The following GNA12 variants were observed in gnomAD, a reference collection of about 807,000 sequenced individuals.
The protein encoded by GNA12 is G protein subunit alpha 12.
Under a neutral mutation model 26.0 loss-of-function variants are expected in GNA12, and 9 were observed. The observed-to-expected ratio is 0.35, with a 90% CI of 0.21 to 0.60. GNA12 has a LOEUF of 0.60. GNA12 is among the 20% of genes least tolerant of loss of function. The probability of loss-of-function intolerance (pLI) is 0.78; values close to 1 mark genes in which losing one functional copy is unlikely to be tolerated. For missense variants in GNA12, 405 were observed against 525.8 expected, an observed-to-expected ratio of 0.77 and a Z score of 2.25; for synonymous variants, 264 against 219.6, an observed-to-expected ratio of 1.20 and a Z score of -1.79.
chr7:2,755,839 G>A (rs577131242), intron 2 of GNA12, among the ~76,000 whole-genome samples: 1 of 152,086 alleles, frequency 6.6e-6, no homozygotes, highest in African/African-American at 2.4e-5. Context: ...CTAAATAATT[G>A]GAGAGTTATG....
intron 2 of GNA12, among the ~76,000 whole-genome samples, chr7:2,745,544 G>A (rs1302004351): frequency 1.3e-5 from 2 of 152,132 alleles, no homozygotes; most frequent in Non-Finnish European, 1.5e-5. Flanking sequence ...AGGAGCAACT[G>A]GTACCAGCCA....
chr7:2,838,548 C>A (rs764632841), intron 1 of GNA12, among the ~76,000 whole-genome samples: 1 of 152,216 alleles, frequency 6.6e-6, no homozygotes, highest in Admixed American at 6.5e-5. Context: ...CGTGCCACTG[C>A]GCTTCAGCCT....
chr7:2,790,883 T>C (rs1792500575), intron 2 of GNA12, among the ~76,000 whole-genome samples: 1 of 150,652 alleles, frequency 6.6e-6, no homozygotes, highest in African/African-American at 2.4e-5. Context: ...CTGAGGTGGG[T>C]GGTTTGCCTG....
intron 2 of GNA12, among the ~76,000 whole-genome samples, chr7:2,775,106 T>C (rs1792044773): frequency 6.6e-6 from 1 of 152,192 alleles, no homozygotes; most frequent in Non-Finnish European, 1.5e-5. Flanking sequence ...GGATAGACAA[T>C]ACATGCACAG....
chr7:2,811,477 T>G (rs186205343), intron 1 of GNA12, among the ~76,000 whole-genome samples: 10 of 152,348 alleles, frequency 6.6e-5, no homozygotes, highest in South Asian at 2.1e-4. Flanking sequence ...GTGTGCTGCT[T>G]CTTCTTACTC....
At chr7:2,821,739 G>C (rs1003122211) in intron 1 of GNA12, among the ~76,000 whole-genome samples, 1 of 152,170 alleles carries the variant, frequency 6.6e-6, no homozygotes, top group African/African-American at 2.4e-5. Context: ...TAGTAGCAAA[G>C]GGCTAGTTGC....
intron 2 of GNA12, among the ~76,000 whole-genome samples, chr7:2,791,666 T>C (rs369346972): frequency 2.0e-4 from 30 of 152,206 alleles, no homozygotes; most frequent in African/African-American, 7.2e-4. Flanking sequence ...TGATGAAGCA[T>C]TGCCCTAGAA....
At chr7:2,789,531 A>G (rs571395002) in intron 2 of GNA12, among the ~76,000 whole-genome samples, 1 of 151,974 alleles carries the variant, frequency 6.6e-6, no homozygotes, top group African/African-American at 2.4e-5. Flanking sequence ...GTGCCTCACT[A>G]CTCCCCATAG....
chr7:2,760,445 G>A (rs932154706), intron 2 of GNA12: 1 of 152,536 alleles, frequency 6.6e-6, no homozygotes, highest in Non-Finnish European at 1.5e-5. Context: ...CGGACGCTGT[G>A]GTAAGCACCT....
chr7:2,774,704 G>C (rs1401350543), intron 2 of GNA12, among the ~76,000 whole-genome samples: 1 of 152,218 alleles, frequency 6.6e-6, no homozygotes, highest in Non-Finnish European at 1.5e-5. Flanking sequence ...TGCACTTACA[G>C]GTTTGTCTTC....
intron 2 of GNA12, chr7:2,760,504 C>T (rs1476945827): frequency 6.6e-6 from 1 of 152,426 alleles, no homozygotes; most frequent in Non-Finnish European, 1.5e-5. Flanking sequence ...CGTGGCTTCA[C>T]TTCCTTCTGG....
At chr7:2,760,884 G>C (rs1371014292) in intron 2 of GNA12, among the ~76,000 whole-genome samples, 2 of 152,224 alleles carry the variant, frequency 1.3e-5, no homozygotes, top group Admixed American at 6.5e-5. Flanking sequence ...CATCCTCACA[G>C]CAATGTGGCT....
At chr7:2,800,445 C>T (rs766062952) in intron 1 of GNA12, among the ~76,000 whole-genome samples, 1 of 152,208 alleles carries the variant, frequency 6.6e-6, no homozygotes, top group African/African-American at 2.4e-5. Flanking sequence ...CAACCACACA[C>T]AGTGTCCCAA....
chr7:2,810,680 T>C (rs1483824196), intron 1 of GNA12, among the ~76,000 whole-genome samples: 1 of 152,094 alleles, frequency 6.6e-6, no homozygotes, highest in Non-Finnish European at 1.5e-5. Flanking sequence ...GCAGATCACC[T>C]GAGGTCGAGA....
At chr7:2,750,592 T>C (rs1790985908) in intron 2 of GNA12, among the ~76,000 whole-genome samples, 1 of 152,372 alleles carries the variant, frequency 6.6e-6, no homozygotes, top group South Asian at 2.1e-4. Flanking sequence ...TAAAGTTATG[T>C]GAATGTGGTC....
intron 2 of GNA12, among the ~76,000 whole-genome samples, chr7:2,752,503 A>C (rs79242200): frequency 0.017 from 2,537 of 152,318 alleles, 90 homozygotes; most frequent in African/African-American, 0.058. Context: ...GGAAAGCAAG[A>C]AATAAAACAA....
intron 1 of GNA12, among the ~76,000 whole-genome samples, chr7:2,797,853 G>A (rs1792715268): frequency 6.6e-6 from 1 of 152,130 alleles, no homozygotes; most frequent in Non-Finnish European, 1.5e-5. Context: ...GTTTGTGGGG[G>A]AAACAAACTT....
chr7:2,831,404 CTT>C (rs3996402), intron 1 of GNA12, among the ~76,000 whole-genome samples: 15 of 130,058 alleles, frequency 1.2e-4, no homozygotes, highest in East Asian at 2.2e-4. Flanking sequence ...ACTTCACTTT[CTT>C]TTTTTTTTTT....
chr7:2,734,329 C>T (rs748067851), intron 2 of GNA12, among the ~76,000 whole-genome samples: 8 of 152,176 alleles, frequency 5.3e-5, no homozygotes, highest in African/African-American at 1.7e-4. Flanking sequence ...CCAATTATAC[C>T]ACTTTCTATA....
Sources: gnomAD v4.1 joint callset for allele counts (sites outside exome capture counted in the v4.1 genomes callset) on GRCh38, gnomAD v4.1.1 for gene constraint, MANE v1.5 for transcripts, NCBI Gene and HGNC (gene_info 2026-07-23, HGNC 2026-07-21) for gene names.